The following PLB1 variants were observed in gnomAD, a reference collection of about 807,000 sequenced individuals.
The protein encoded by PLB1 is phospholipase B1, membrane-associated.
Under a neutral mutation model 227.4 loss-of-function variants are expected in PLB1, and 242 were observed. That is an observed-to-expected ratio of 1.06 (90% CI 0.96 to 1.18). The LOEUF is 1.18. Ranked by LOEUF, PLB1 falls within the 50% of genes most tolerant of loss-of-function variation. The probability of loss-of-function intolerance (pLI) is 0.00; values close to 1 mark genes in which losing one functional copy is unlikely to be tolerated. For synonymous variants in PLB1, 757 were observed against 682.2 expected (o/e 1.11, Z -1.71); for missense variants, 1,858 against 1,816.3 (o/e 1.02, Z -0.42).
chr2:28,587,607 CAAAAA>C (rs139579194), intron 26 of PLB1, among the ~76,000 whole-genome samples: 5 of 142,240 alleles, frequency 3.5e-5, no homozygotes, highest in East Asian at 2.0e-4. Flanking sequence ...GAGACTGTCT[CAAAAA>C]AAAAAAAAAT....
At chr2:28,540,219 T>A in intron 11 of PLB1, 147 bp from the exon 12 acceptor site, 1 of 604,214 alleles carries the variant, frequency 1.7e-6, no homozygotes, top group Non-Finnish European at 3.0e-6. Context: ...CTTCTCAACA[T>A]TTATGTCCTC....
intron 49 of PLB1, 40 bp downstream of exon 49, chr2:28,621,018 A>G: frequency 6.6e-7 from 1 of 1,526,494 alleles, no homozygotes; most frequent in Non-Finnish European, 9.0e-7. Context: ...GGAAGGCAAG[A>G]CTGAGACATC....
Position 28,573,273 on chromosome 2 carries a change from C to T in PLB1, c.1401C>T (p.Phe467=), listed in dbSNP as rs1394909180. ...GGAAAGAAACCAGTCCTAATGCCTT[C>T]TTAAACCAGGCTGTGGCAGGAGGCC... ...GTGKETSPNA[F]LNQAVAGGRA... The change falls in exon 21 of 58, where the codon TTC becomes TTT. Residue 467 remains phenylalanine, a synonymous_variant. Transcript: ENST00000327757. 2 of 1,614,032 alleles carry T rather than the reference C, an allele frequency of 1.2e-6. No individual in the cohort carries two copies. Among genetic ancestry groups the T allele is most frequent in the East Asian group, 4.5e-5 (2 of 44,888 alleles).
At chr2:28,633,300 G>A (rs925879521) in intron 56 of PLB1, 9 of 449,820 alleles carry the variant, frequency 2.0e-5, no homozygotes, top group African/African-American at 1.4e-4. Flanking sequence ...TACTGCGAGG[G>A]GATCCCTTTG....
At chr2:28,526,098 A>T (rs1670225454) in intron 6 of PLB1, among the ~76,000 whole-genome samples, 153 bp downstream of exon 6, 1 of 152,192 alleles carries the variant, frequency 6.6e-6, no homozygotes, top group Non-Finnish European at 1.5e-5. Context: ...CAGATCAGGA[A>T]GCCAGGATAT....
Position 28,620,980 on chromosome 2 carries a change from T to C in PLB1, c.3527+2T>C, listed in dbSNP as rs759428047. ...GGCAGCGGAAGGGGCCAGAGCTAGG[T>C]GAGTAGATGCCGTACAGGAGGGCGA... On this transcript the variant is annotated splice_donor_variant, in intron 49 of 57. Transcript: ENST00000327757. LOFTEE classifies it high-confidence loss of function. The C allele has an allele frequency of 3.7e-6, 6 of 1,607,836 alleles. No individual in the cohort carries two copies. The East Asian group carries it at 1.3e-4, about 36-fold the overall frequency.
intron 25 of PLB1, among the ~76,000 whole-genome samples, chr2:28,584,685 C>G (rs1044610914): frequency 1.3e-4 from 20 of 152,244 alleles, no homozygotes; most frequent in African/African-American, 4.1e-4. Context: ...CACTCCCCGC[C>G]TCTCCACTGT....
intron 16 of PLB1, among the ~76,000 whole-genome samples, chr2:28,551,398 AG>A (rs770444234): frequency 1.2e-4 from 19 of 152,234 alleles, no homozygotes; most frequent in Non-Finnish European, 2.6e-4. Flanking sequence ...TTCCCAGAGA[AG>A]GGGGGACTGA....
chr2:28,553,685 T>G (rs1238461994), intron 17 of PLB1, among the ~76,000 whole-genome samples: 1 of 152,076 alleles, frequency 6.6e-6, no homozygotes, highest in African/African-American at 2.4e-5. Flanking sequence ...TAGATTCCCA[T>G]GCTTGGTCCT....
In PLB1 at chr2:28,589,526, T is replaced by C. The variant is rs1412065053; in HGVS notation, c.1892T>C (p.Phe631Ser). Reference sequence around the variant, plus strand: ...TTTACTGTGGTTGTGCAGCCGTTCTTTGAAAACGTGGACATGCCAAAGACC... The same window carrying C: ...TTTACTGTGGTTGTGCAGCCGTTCTCTGAAAACGTGGACATGCCAAAGACC... The part of the protein sequence containing the change: ...EDFTVVVQPF[F>S]ENVDMPKTSE... Residue 631 changes from phenylalanine (F) to serine (S), a missense_variant, in exon 27 of 58, where the codon TTT becomes TCT. Coordinates refer to ENST00000327757, the MANE Select transcript of PLB1 (RefSeq NM_153021.5). The C allele has an allele frequency of 1.6e-5, 26 of 1,614,072 alleles. No homozygotes were observed. The highest frequency in any genetic ancestry group is 2.2e-5 in the Non-Finnish European group (26 of 1,180,046).
intron 44 of PLB1, among the ~76,000 whole-genome samples, chr2:28,616,936 A>T (rs138818970): frequency 9.8e-5 from 15 of 152,320 alleles, no homozygotes; most frequent in African/African-American, 3.1e-4. Flanking sequence ...TGGACAGTCA[A>T]TCTGCTGGTC....
chr2:28,538,529 C>G, intron 10 of PLB1, 148 bp downstream of exon 10: 1 of 685,970 alleles, frequency 1.5e-6, no homozygotes, highest in Non-Finnish European at 2.4e-6. Context: ...TCTTCTCATC[C>G]TTTCAAATGA....
At chr2:28,530,044 A>C (rs988916518) in intron 8 of PLB1, among the ~76,000 whole-genome samples, 2 of 152,098 alleles carry the variant, frequency 1.3e-5, no homozygotes, top group African/African-American at 4.8e-5. Flanking sequence ...TTTTTGGTAG[A>C]GACGGGGTTT....
rs138399733 is a variant in PLB1 at position 28,623,954 on chromosome 2, G to A, written c.3528-1103G>A. The stretch of plus-strand genomic sequence containing the variant: ...CTACCAAAAATACAAAAAATTAGCC[G>A]GGCATGGTGGCATGGACCTGTAGTC... On this transcript the variant is annotated intron_variant, in intron 49 of 57. Transcript: ENST00000327757. 2.2e-4 allele frequency among the ~76,000 whole-genome samples: 34 copies of A among 152,200 alleles called. No individual in the cohort carries two copies. The East Asian group carries it at 5.2e-3, about 23-fold the overall frequency.
At chr2:28,626,120 C>G (rs976359313) in intron 50 of PLB1, among the ~76,000 whole-genome samples, 1 of 151,968 alleles carries the variant, frequency 6.6e-6, no homozygotes, top group Admixed American at 6.5e-5. Flanking sequence ...CTCAGCCTCC[C>G]AAGTAGCTGG....
chr2:28,568,538 T>G (rs1677453645), intron 20 of PLB1, among the ~76,000 whole-genome samples: 1 of 152,268 alleles, frequency 6.6e-6, no homozygotes, highest in East Asian at 1.9e-4. Flanking sequence ...AGAAAACTCA[T>G]AAGAATGTAA....
intron 1 of PLB1, 42 bp downstream of exon 1, chr2:28,496,211 C>T: frequency 6.3e-7 from 1 of 1,586,476 alleles, no homozygotes; most frequent in Non-Finnish European, 8.6e-7. Flanking sequence ...GTGGTTTAGC[C>T]CCGCTGGTGT....
chr2:28,503,740 G>T (rs758527700), intron 1 of PLB1, among the ~76,000 whole-genome samples: 1 of 152,110 alleles, frequency 6.6e-6, no homozygotes, highest in African/African-American at 2.4e-5. Context: ...TTTACATGGG[G>T]ACCCAAGGTC....
chr2:28,591,386 G>A (rs1036580973), intron 30 of PLB1, among the ~76,000 whole-genome samples: 1 of 152,236 alleles, frequency 6.6e-6, no homozygotes, highest in East Asian at 1.9e-4. Context: ...GCTTCACTGC[G>A]ACATAAGTGA....
Sources: allele counts gnomAD v4.1 joint callset (sites outside exome capture counted in the v4.1 genomes callset), GRCh38; gene constraint gnomAD v4.1.1; transcripts MANE v1.5; gene names NCBI Gene and HGNC (gene_info 2026-07-23, HGNC 2026-07-21).